Variants in STMN2 observed in about 807,000 individuals in gnomAD.
The protein encoded by STMN2 is stathmin-2.
STMN2 carries 2 observed loss-of-function variants against 24.1 expected under a neutral mutation model. That is an observed-to-expected ratio of 0.08 (90% CI 0.03 to 0.26). STMN2 has a LOEUF of 0.26. Ranked by LOEUF, STMN2 falls within the 10% of genes least tolerant of loss-of-function variation. STMN2 has a pLI of 1.00. For missense variants in STMN2, 114 were observed against 213.6 expected (o/e 0.53, Z 2.91); for synonymous variants, 83 against 77.5 (o/e 1.07, Z -0.37).
At chr8:79,631,514 A>G in intron 1 of STMN2, 2 of 859,028 alleles carry the variant, frequency 2.3e-6, no homozygotes, top group Non-Finnish European at 1.4e-6. Flanking sequence ...ACCTCATGTC[A>G]GTGATCTTCT....
intron 4 of STMN2, among the ~76,000 whole-genome samples, chr8:79,663,981 G>GA (rs60815645): frequency 3.1e-4 from 46 of 149,658 alleles, no homozygotes; most frequent in African/African-American, 5.4e-4. Flanking sequence ...CCTGCAAATG[G>GA]AAAAAAAAAT....
intron 4 of STMN2, among the ~76,000 whole-genome samples, chr8:79,663,979 T>C (rs529224943): frequency 6.6e-6 from 1 of 150,950 alleles, no homozygotes; most frequent in South Asian, 2.1e-4. Flanking sequence ...GCCCTGCAAA[T>C]GGAAAAAAAA....
chr8:79,644,481 C>G (rs766468193), intron 3 of STMN2, among the ~76,000 whole-genome samples: 38 of 152,182 alleles, frequency 2.5e-4, no homozygotes, highest in Non-Finnish European at 4.6e-4. Flanking sequence ...ATCACAGGCC[C>G]AACCCAGAAC....
At chr8:79,612,210 A>G (rs898654049) in intron 1 of STMN2, among the ~76,000 whole-genome samples, 5 of 152,142 alleles carry the variant, frequency 3.3e-5, no homozygotes, top group Non-Finnish European at 5.9e-5. Context: ...GCGGCTTCCA[A>G]GAGAGACCTG....
intron 4 of STMN2, among the ~76,000 whole-genome samples, chr8:79,658,087 C>T (rs1439203117): frequency 6.6e-6 from 1 of 152,106 alleles, no homozygotes; most frequent in Non-Finnish European, 1.5e-5. Context: ...GCCAGGAGTT[C>T]GAGACCAGCC....
At chr8:79,638,676 C>T (rs562047777) in intron 2 of STMN2, among the ~76,000 whole-genome samples, 147 of 152,256 alleles carry the variant, frequency 9.7e-4, no homozygotes, top group African/African-American at 3.3e-3. Context: ...ATCTTCACAA[C>T]CACCTTAGAA....
At chr8:79,656,403 T>G (rs1400858820) in intron 4 of STMN2, among the ~76,000 whole-genome samples, 1 of 152,186 alleles carries the variant, frequency 6.6e-6, no homozygotes, top group Non-Finnish European at 1.5e-5. Flanking sequence ...CTCAGAACAA[T>G]GTCATTGCGT....
intron 4 of STMN2, among the ~76,000 whole-genome samples, chr8:79,661,166 A>G (rs35140079): frequency 0.32 from 48,134 of 151,982 alleles, 9,545 homozygotes; most frequent in Non-Finnish European, 0.45. Flanking sequence ...GTAGATACCC[A>G]GCAGTGGGAT....
chr8:79,621,285 A>T (rs1382571106), intron 1 of STMN2, among the ~76,000 whole-genome samples: 1 of 152,246 alleles, frequency 6.6e-6, no homozygotes, highest in East Asian at 1.9e-4. Flanking sequence ...GAAAGTGATT[A>T]GTGTCTGTCA....
At chr8:79,664,367 A>C (rs1349791135) in intron 4 of STMN2, among the ~76,000 whole-genome samples, 5 of 152,212 alleles carry the variant, frequency 3.3e-5, no homozygotes, top group Non-Finnish European at 1.5e-5. Context: ...AAGGGCCTTG[A>C]CAAACAGGTC....
intron 1 of STMN2, among the ~76,000 whole-genome samples, chr8:79,627,792 G>A (rs1332748506): frequency 6.6e-6 from 1 of 151,962 alleles, no homozygotes; most frequent in East Asian, 1.9e-4. Context: ...CTCCACCCTA[G>A]CCCCTGGAAA....
chr8:79,644,314 C>T (rs1253407807), intron 3 of STMN2, among the ~76,000 whole-genome samples: 2 of 152,224 alleles, frequency 1.3e-5, no homozygotes, highest in African/African-American at 2.4e-5. Flanking sequence ...GTCATCTCTT[C>T]CTGCATTTAA....
At chr8:79,654,021 C>G (rs1355824463) in intron 3 of STMN2, among the ~76,000 whole-genome samples, 1 of 152,174 alleles carries the variant, frequency 6.6e-6, no homozygotes, top group East Asian at 1.9e-4. Context: ...ACTGGACTAC[C>G]TGCATTTGAG....
chr8:79,644,665 A>G (rs1810180039), intron 3 of STMN2, among the ~76,000 whole-genome samples: 1 of 152,262 alleles, frequency 6.6e-6, no homozygotes, highest in Admixed American at 6.5e-5. Flanking sequence ...TGGATCTTAA[A>G]TAAACAAAAC....
intron 4 of STMN2, among the ~76,000 whole-genome samples, chr8:79,662,207 T>C (rs1190229606): frequency 6.6e-6 from 1 of 152,116 alleles, no homozygotes; most frequent in Non-Finnish European, 1.5e-5. Context: ...CTGCATACAA[T>C]GCTAAAATAT....
intron 3 of STMN2, among the ~76,000 whole-genome samples, chr8:79,652,592 C>A (rs1810357136): frequency 6.6e-6 from 1 of 151,892 alleles, no homozygotes; most frequent in Non-Finnish European, 1.5e-5. Context: ...GTTGTTATAC[C>A]AGTAAGTCCA....
At chr8:79,641,662 A>G (rs1341995391) in intron 3 of STMN2, 112 bp downstream of exon 3, 3 of 829,966 alleles carry the variant, frequency 3.6e-6, no homozygotes, top group African/African-American at 3.5e-5. Context: ...ACACACACAC[A>G]CACACACACA....
chr8:79,626,805 A>G (rs1313029718), intron 1 of STMN2, among the ~76,000 whole-genome samples: 1 of 152,230 alleles, frequency 6.6e-6, no homozygotes, highest in Non-Finnish European at 1.5e-5. Context: ...TGCCCTCAGG[A>G]AACTTAAGTA....
intron 3 of STMN2, among the ~76,000 whole-genome samples, chr8:79,643,228 C>CTATACA (rs1810149007): frequency 7.0e-6 from 1 of 142,234 alleles, no homozygotes; most frequent in African/African-American, 2.6e-5. Flanking sequence ...ACTAACTCGA[C>CTATACA]TATATATATA....
Sources: allele counts gnomAD v4.1 joint callset (sites outside exome capture counted in the v4.1 genomes callset), GRCh38; gene constraint gnomAD v4.1.1; transcripts MANE v1.5; gene names NCBI Gene and HGNC (gene_info 2026-07-23, HGNC 2026-07-21).